The following FAM83F variants were observed in gnomAD, a reference collection of about 807,000 sequenced individuals.
FAM83F encodes the protein protein FAM83F.
A neutral mutation model predicts 42.9 loss-of-function variants in FAM83F; 45 were observed. That is an observed-to-expected ratio of 1.05 (90% confidence interval 0.83 to 1.35). The LOEUF is 1.35. Ranked by LOEUF, FAM83F falls within the 40% of genes most tolerant of loss-of-function variation. FAM83F has a pLI of 0.00. For missense variants in FAM83F, 617 were observed against 695.9 expected, an observed-to-expected ratio of 0.89 and a Z score of 1.28; for synonymous variants, 306 against 298.3, an observed-to-expected ratio of 1.03 and a Z score of -0.27.
intron 1 of FAM83F, among the ~76,000 whole-genome samples, chr22:40,008,399 C>T (rs1422975882): frequency 1.4e-4 from 21 of 152,230 alleles, no homozygotes; most frequent in Non-Finnish European, 2.8e-4. Flanking sequence ...TTACCCATCG[C>T]TCACAGCAGG....
Position 40,035,074 on chromosome 22 carries a change from G to A in FAM83F, c.*5509G>A, listed in dbSNP as rs1005390933. On this transcript the variant is annotated 3_prime_UTR_variant, in exon 5 of 5. Coordinates refer to ENST00000333407, the MANE Select transcript of FAM83F (RefSeq NM_138435.4). ...AAATTTGTCCAAAGTCACCCAATGA[G>A]TCGCAGGAAGGGCTAGAATCTGGTT... The A allele has an allele frequency of 6.6e-6, 1 of 152,224 alleles. No individual in the cohort carries two copies. Among genetic ancestry groups the A allele is most frequent in the Non-Finnish European group, 1.5e-5 (1 of 68,054 alleles). The allele number at this position is 152,224 out of a possible 1,614,324, so 9.4% of individuals were successfully genotyped here.
rs1488497189 is a variant in FAM83F, at chr22:40,021,881, C to T, written c.1371C>T (p.Ala457=). The change falls in exon 4 of 5, where the codon GCC becomes GCT. Residue 457 remains alanine, a synonymous_variant. Transcript: ENST00000333407. This position sits in a 1 kb window ranked among gnomAD's most constrained non-coding sequence, Gnocchi z 8.7. ...GGCCTGCGGCGCCCAATGGCATGGCCAGCTCTGTCTCCACCGAGACCTCTG... is the reference window on the plus strand; with the variant it reads ...GGCCTGCGGCGCCCAATGGCATGGCTAGCTCTGTCTCCACCGAGACCTCTG... ...AKRPAAPNGM[A]SSVSTETSEV... is the part of the protein sequence containing the mutation. 1 of 1,606,886 alleles carries T rather than the reference C, an allele frequency of 6.2e-7. No individual in the cohort carries two copies. Among genetic ancestry groups the T allele is most frequent in the Non-Finnish European group, 8.5e-7 (1 of 1,176,686 alleles).
intron 1 of FAM83F, among the ~76,000 whole-genome samples, chr22:40,003,394 C>T (rs78917420): frequency 0.014 from 2,163 of 152,220 alleles, 42 homozygotes; most frequent in African/African-American, 0.05. Flanking sequence ...CTCACCTTGG[C>T]TGGTGGCCAG....
chr22:40,022,812 G>T lies in FAM83F; in HGVS notation c.1453+849G>T, dbSNP rs146556381. ...AGTGATGAGAACTGGGCTCTGGCTG[G>T]CCAGGTGGGCGATGGCAGGGCCTGA... is the stretch of plus-strand genomic sequence containing the variant. On this transcript the variant is annotated intron_variant, in intron 4 of 4. Transcript: ENST00000333407. Among the ~76,000 whole-genome samples the T allele has an allele frequency of 3.4e-4, 52 of 152,262 alleles. No individual in the cohort carries two copies. In the East Asian group the frequency reaches 9.5e-3, roughly 28 times the overall value.
intron 1 of FAM83F, among the ~76,000 whole-genome samples, chr22:40,011,573 T>G (rs573164624): frequency 3.8e-4 from 58 of 152,338 alleles, no homozygotes; most frequent in African/African-American, 1.3e-3. Context: ...CACATGTCGC[T>G]GAGGCCTGTA....
At position 40,019,937 on chromosome 22, in the gene FAM83F, GA is replaced by G. The variant is rs770953583; in HGVS notation, c.709del (p.Arg237GlyfsTer11). On this transcript the variant is annotated frameshift_variant, in exon 3 of 5. Transcript: ENST00000333407. LOFTEE classifies it high-confidence loss of function. ...GCGTCGGCTTCTACATGCCCATGGG[GA>G]GGATCAAGGGGACCCTGTCATCAAG... Reference protein sequence around the residue: ...TGVGFYMPMGRIKGTLSSRFL... With the variant: ...TGVGFYMPMGXIKGTLSSRFL... 2.5e-6 allele frequency: 4 copies of G among 1,613,644 alleles called. No homozygotes were observed. Among genetic ancestry groups the G allele is most frequent in the Non-Finnish European group, 3.4e-6 (4 of 1,179,738 alleles).
chr22:40,026,406 G>C (rs913212886), intron 4 of FAM83F, among the ~76,000 whole-genome samples: 2 of 152,186 alleles, frequency 1.3e-5, no homozygotes, highest in Non-Finnish European at 2.9e-5. Flanking sequence ...TGTAGTCCCA[G>C]CTACTCGGGA....
chr22:40,002,179 C>T (rs1031748695), intron 1 of FAM83F, among the ~76,000 whole-genome samples: 11 of 152,288 alleles, frequency 7.2e-5, no homozygotes, highest in African/African-American at 1.9e-4. Flanking sequence ...AGGATGTTCC[C>T]CACACACGGT....
intron 4 of FAM83F, among the ~76,000 whole-genome samples, chr22:40,024,534 A>G (rs1338908092): frequency 6.6e-6 from 1 of 152,234 alleles, no homozygotes; most frequent in East Asian, 1.9e-4. Flanking sequence ...GTAAATGTTC[A>G]GAACCTCCCA....
chr22:40,005,977 C>A (rs1186398773), intron 1 of FAM83F, among the ~76,000 whole-genome samples: 1 of 152,204 alleles, frequency 6.6e-6, no homozygotes, highest in Non-Finnish European at 1.5e-5. Flanking sequence ...CGGTGGCTCA[C>A]GCCTGTAATG....
intron 1 of FAM83F, among the ~76,000 whole-genome samples, chr22:40,016,415 T>C (rs1225813260): frequency 6.6e-6 from 1 of 151,886 alleles, no homozygotes; most frequent in African/African-American, 2.4e-5. Flanking sequence ...CCCAGGTGGG[T>C]CTGAAACTCC....
chr22:40,029,494 C>T (rs1222656384), intron 4 of FAM83F, 22 bp from the exon 5 acceptor site: 5 of 1,607,524 alleles, frequency 3.1e-6, no homozygotes, highest in Non-Finnish European at 4.2e-6. Context: ...TCCTTCCCCG[C>T]CTCTGTCCCT....
chr22:40,023,277 A>G lies in FAM83F; in HGVS notation c.1453+1314A>G, dbSNP rs1343853486. Among the ~76,000 whole-genome samples the G allele has an allele frequency of 6.6e-6, 1 of 152,142 alleles. No individual in the cohort carries two copies. The highest frequency in any genetic ancestry group is 6.5e-5 in the Admixed American group (1 of 15,272). ...TTCAAGACCAGGCATGGGCACAGCC[A>G]TGTTCTGTCAGGGGAGGGGTGGCTG... On this transcript the variant is annotated intron_variant, in intron 4 of 4. Coordinates refer to ENST00000333407, the MANE Select transcript of FAM83F (RefSeq NM_138435.4). This position sits in a 1 kb window ranked among gnomAD's most constrained non-coding sequence, Gnocchi z 4.1.
rs1285988841 is a variant in FAM83F, at chr22:40,034,339, T to C, written c.*4774T>C. The C allele has an allele frequency of 6.6e-6, 1 of 152,322 alleles. No individual in the cohort carries two copies. The highest frequency in any genetic ancestry group is 1.5e-5 in the Non-Finnish European group (1 of 68,130). 9.4% of individuals were successfully genotyped at this position (152,322 alleles called of 1,614,324 possible). ...TGCAAATCAGGTACCCCCAGCTCAG[T>C]GAGCAGAACCAGTCCAAGGTTGAGT... On this transcript the variant is annotated 3_prime_UTR_variant, in exon 5 of 5. Transcript: ENST00000333407.
intron 1 of FAM83F, chr22:40,009,987 T>C (rs902202671): frequency 6.6e-6 from 1 of 152,200 alleles, no homozygotes; most frequent in African/African-American, 2.4e-5. Context: ...TGAGGAGACG[T>C]TGAGCTCATC....
chr22:40,028,214 T>A (rs1569236934), intron 4 of FAM83F, among the ~76,000 whole-genome samples: 1 of 152,290 alleles, frequency 6.6e-6, no homozygotes, highest in East Asian at 1.9e-4. Flanking sequence ...TTGTGGTCAG[T>A]CCTGAAGAGC....
intron 1 of FAM83F, among the ~76,000 whole-genome samples, chr22:39,999,591 A>G (rs998659478): frequency 1.3e-5 from 2 of 152,152 alleles, no homozygotes; most frequent in African/African-American, 4.8e-5. Context: ...TCTGAGCTCC[A>G]AAAGGGTGAA....
rs2067517769 is a variant in FAM83F, at chr22:40,021,190, G to A, written c.780-100G>A. The A allele has an allele frequency of 1.5e-6, 2 of 1,348,872 alleles. No individual in the cohort carries two copies. The highest frequency in any genetic ancestry group is 9.8e-7 in the Non-Finnish European group (1 of 1,016,490). 83.6% of individuals were successfully genotyped at this position (1,348,872 alleles called of 1,614,324 possible). On this transcript the variant is annotated intron_variant, in intron 3 of 4. Coordinates refer to ENST00000333407, the MANE Select transcript of FAM83F (RefSeq NM_138435.4). This position sits in a 1 kb window ranked among gnomAD's most constrained non-coding sequence, Gnocchi z 8.7. Reference sequence around the variant, plus strand: ...GCCCACAAGGAGCCGTACACCTGCAGCAAGGGTCTGGCCACAGCGGAGGGG... The same window carrying A: ...GCCCACAAGGAGCCGTACACCTGCAACAAGGGTCTGGCCACAGCGGAGGGG...
In FAM83F at chr22:40,031,352, ACT is replaced by A. The variant is rs920168086; in HGVS notation, c.*1792_*1793del. On this transcript the variant is annotated 3_prime_UTR_variant, in exon 5 of 5. Coordinates refer to ENST00000333407, the MANE Select transcript of FAM83F (RefSeq NM_138435.4). ...TAAACTGCAACGCGGCAAAGAGATC[ACT>A]CTCTGGTGTGGAGGGTGGGTGTCTC... 13 of 151,672 alleles carry A rather than the reference ACT, an allele frequency of 8.6e-5. No individual in the cohort carries two copies. The allele number at this position is 151,672 out of a possible 1,614,324, so 9.4% of individuals were successfully genotyped here. A position where few individuals can be genotyped will look rare whatever the true frequency, so the allele number is the denominator to read the frequency against.
Sources: gnomAD v4.1 joint callset for allele counts (sites outside exome capture counted in the v4.1 genomes callset) on GRCh38, gnomAD v4.1.1 for gene constraint, Gnocchi (gnomAD v3.1) non-coding constraint, MANE v1.5 for transcripts, NCBI Gene and HGNC (gene_info 2026-07-23, HGNC 2026-07-21) for gene names.